LRP1B: variants seen among roughly 807,000 people sequenced by gnomAD.
LRP1B encodes low-density lipoprotein receptor-related protein 1B.
A neutral mutation model predicts 556.6 loss-of-function variants in LRP1B; 217 were observed. The ratio of observed to expected loss-of-function variants is 0.39; its 90% CI spans 0.35 to 0.44. LRP1B has a LOEUF of 0.44. Ranked by LOEUF, LRP1B falls within the 20% of genes least tolerant of loss-of-function variation. The pLI, the probability that LRP1B is intolerant of heterozygous loss-of-function variation, is 1.00. For synonymous variants in LRP1B, 2,047 were observed against 1,865.8 expected, an observed-to-expected ratio of 1.10 and a Z score of -2.50; for missense variants, 5,053 against 5,620.8, an observed-to-expected ratio of 0.90 and a Z score of 3.23.
chr2:140,439,221 A>C (rs1686320500), intron 66 of LRP1B, among the ~76,000 whole-genome samples: 1 of 152,178 alleles, frequency 6.6e-6, no homozygotes, highest in South Asian at 2.1e-4. Context: ...GAGCTGCTAC[A>C]ATTGGGATAT....
At chr2:141,487,922 T>G (rs1334244769) in intron 2 of LRP1B, among the ~76,000 whole-genome samples, 1 of 152,198 alleles carries the variant, frequency 6.6e-6, no homozygotes, top group Non-Finnish European at 1.5e-5. Flanking sequence ...AGACTCTTCT[T>G]TCACATTTGA....
At chr2:140,480,366 T>C (rs1009980661) in intron 59 of LRP1B, among the ~76,000 whole-genome samples, 11 of 152,220 alleles carry the variant, frequency 7.2e-5, no homozygotes, top group African/African-American at 2.4e-4. Context: ...ATAATGGATA[T>C]GAATACTGAG....
intron 2 of LRP1B, among the ~76,000 whole-genome samples, chr2:141,492,333 T>A (rs1044263237): frequency 2.6e-5 from 4 of 152,022 alleles, no homozygotes; most frequent in Admixed American, 6.6e-5. Context: ...TAAGACAACA[T>A]TAAATTATAT....
intron 15 of LRP1B, among the ~76,000 whole-genome samples, chr2:140,995,464 C>T (rs191700682): frequency 7.8e-4 from 119 of 152,160 alleles, no homozygotes; most frequent in Non-Finnish European, 4.1e-4. Flanking sequence ...GTAACAACAA[C>T]ATTAACAACA....
chr2:140,344,212 T>C (rs1681538740), intron 77 of LRP1B, among the ~76,000 whole-genome samples: 1 of 151,790 alleles, frequency 6.6e-6, no homozygotes, highest in Non-Finnish European at 1.5e-5. Context: ...GGAAACAGTA[T>C]AAGGAATCGT....
At chr2:141,817,546 T>A (rs1696602022) in intron 1 of LRP1B, among the ~76,000 whole-genome samples, 1 of 152,090 alleles carries the variant, frequency 6.6e-6, no homozygotes, top group Non-Finnish European at 1.5e-5. Flanking sequence ...AAAAAATGTA[T>A]ATATATGAGC....
chr2:142,041,793 A>C (rs1019143595), intron 1 of LRP1B, among the ~76,000 whole-genome samples: 1 of 151,536 alleles, frequency 6.6e-6, no homozygotes, highest in African/African-American at 2.4e-5. Context: ...CATAAAATCC[A>C]AAAGGTTACT....
At chr2:141,721,308 T>C (rs940895783) in intron 2 of LRP1B, among the ~76,000 whole-genome samples, 2 of 152,174 alleles carry the variant, frequency 1.3e-5, no homozygotes, top group Non-Finnish European at 1.5e-5. Context: ...ATTGCTCTTA[T>C]ATTTTCTTCT....
At chr2:140,427,732 C>T (rs1029833731) in intron 66 of LRP1B, among the ~76,000 whole-genome samples, 2 of 152,024 alleles carry the variant, frequency 1.3e-5, no homozygotes, top group African/African-American at 2.4e-5. Flanking sequence ...TGTCCCCCTC[C>T]GTCCCAACCC....
At chr2:142,026,009 A>G (rs1205682096) in intron 1 of LRP1B, among the ~76,000 whole-genome samples, 1 of 152,122 alleles carries the variant, frequency 6.6e-6, no homozygotes, top group South Asian at 2.1e-4. Context: ...TGGTAAGAAG[A>G]GCCAAAGAGA....
At chr2:141,436,838 T>C (rs1288230636) in intron 3 of LRP1B, among the ~76,000 whole-genome samples, 1 of 152,120 alleles carries the variant, frequency 6.6e-6, no homozygotes, top group Non-Finnish European at 1.5e-5. Flanking sequence ...TATTGAATAA[T>C]TTACATTAGT....
At chr2:140,396,764 A>T (rs1232200210) in intron 66 of LRP1B, among the ~76,000 whole-genome samples, 2 of 152,220 alleles carry the variant, frequency 1.3e-5, no homozygotes. Flanking sequence ...TGGAGGAAGA[A>T]CACAGGTATT....
At chr2:142,126,668 CT>C (rs1010504127) in intron 1 of LRP1B, among the ~76,000 whole-genome samples, 1 of 151,758 alleles carries the variant, frequency 6.6e-6, no homozygotes, top group Non-Finnish European at 1.5e-5. Context: ...TTGATTGGTA[CT>C]TTTTACTACA....
Position 140,457,752 on chromosome 2 carries a change from C to A in LRP1B, c.9626-101G>T. 6 of 916,422 alleles carry A rather than the reference C, an allele frequency of 6.5e-6. No homozygotes were observed. In the South Asian group the frequency reaches 7.3e-5, roughly 11 times the overall value. 56.8% of individuals were successfully genotyped at this position (916,422 alleles called of 1,614,324 possible). On this transcript the variant is annotated intron_variant, in intron 60 of 90. Coordinates refer to ENST00000389484, the MANE Select transcript of LRP1B (RefSeq NM_018557.3). ...GACAGATACAACTGCTACATAACTTCGTGTGAATAATTGCTGTGACAACCT... is the reference window on the plus strand; with the variant it reads ...GACAGATACAACTGCTACATAACTTAGTGTGAATAATTGCTGTGACAACCT...
At chr2:142,059,077 T>G (rs1704794313) in intron 1 of LRP1B, among the ~76,000 whole-genome samples, 1 of 152,126 alleles carries the variant, frequency 6.6e-6, no homozygotes, top group South Asian at 2.1e-4. Context: ...ATGCACATTT[T>G]TGAAATTGGG....
chr2:141,850,782 G>A (rs1233750782), intron 1 of LRP1B, among the ~76,000 whole-genome samples: 4 of 151,426 alleles, frequency 2.6e-5, no homozygotes, highest in East Asian at 1.9e-4. Flanking sequence ...TGGTCCCCAA[G>A]CATTCACCCA....
rs545158251 is a variant in LRP1B, at chr2:140,487,080, G to A, written c.9243+537C>T. ...GAATAACAAAAGATGGTACCAAGTT[G>A]CTCATATCTAGAATATGACATGGAT... On this transcript the variant is annotated intron_variant, in intron 58 of 90. Coordinates refer to ENST00000389484, the MANE Select transcript of LRP1B (RefSeq NM_018557.3). Among the ~76,000 whole-genome samples, 3 of 151,804 alleles carry A rather than the reference G, an allele frequency of 2.0e-5. No individual in the cohort carries two copies. In the East Asian group the frequency reaches 5.8e-4, roughly 29 times the overall value.
At chr2:141,803,991 T>G (rs947090595) in intron 2 of LRP1B, among the ~76,000 whole-genome samples, 1 of 152,142 alleles carries the variant, frequency 6.6e-6, no homozygotes, top group African/African-American at 2.4e-5. Flanking sequence ...TAATGACTTA[T>G]AGACATTTTC....
intron 7 of LRP1B, among the ~76,000 whole-genome samples, chr2:141,172,204 G>A (rs780015991): frequency 2.6e-4 from 39 of 152,050 alleles, no homozygotes; most frequent in Non-Finnish European, 3.4e-4. Context: ...TTCATGGGAA[G>A]TATTCACCAT....
Sources: gnomAD v4.1 joint callset for allele counts (sites outside exome capture counted in the v4.1 genomes callset) on GRCh38, gnomAD v4.1.1 for gene constraint, MANE v1.5 for transcripts, NCBI Gene and HGNC (gene_info 2026-07-23, HGNC 2026-07-21) for gene names.